EPDR1: variants seen among roughly 807,000 people sequenced by gnomAD.
EPDR1 encodes mammalian ependymin-related protein 1.
EPDR1 carries 27 observed loss-of-function variants against 23.7 expected under a neutral mutation model. The observed-to-expected ratio is 1.14, with a 90% CI of 0.84 to 1.57. EPDR1 has a LOEUF of 1.57. EPDR1 is among the 40% of genes most tolerant of loss of function. The probability of loss-of-function intolerance (pLI) is 0.00; values close to 1 mark genes in which losing one functional copy is unlikely to be tolerated. For synonymous variants in EPDR1, 137 were observed against 118.2 expected (o/e 1.16, Z -1.03); for missense variants, 349 against 290.4 (o/e 1.20, Z -1.47).
At position 37,920,952 on chromosome 7, in the gene EPDR1, G is replaced by A. The variant is rs997441395; in HGVS notation, c.13G>A (p.Ala5Thr). 1.9e-6 allele frequency: 3 copies of A among 1,598,548 alleles called. No homozygotes were observed. The highest frequency in any genetic ancestry group is 2.6e-6 in the Non-Finnish European group (3 of 1,174,314). MPGR[A>T]PLRTVPGALG... ...AAGGCTGACCGCGATGCCAGGACGC[G>A]CTCCCCTCCGCACCGTCCCGGGCGC... The change falls in exon 1 of 3, where the codon GCT (alanine) becomes ACT (threonine). Residue 5 changes from alanine (A) to threonine (T), a missense_variant. Coordinates refer to ENST00000199448, the MANE Select transcript of EPDR1 (RefSeq NM_017549.5).
chr7:37,941,006 A>G (rs1445598874), intron 1 of EPDR1, among the ~76,000 whole-genome samples: 1 of 152,188 alleles, frequency 6.6e-6, no homozygotes, highest in Non-Finnish European at 1.5e-5. Context: ...GTCGTAGAAC[A>G]TCGGGAAGCA....
intron 1 of EPDR1, among the ~76,000 whole-genome samples, chr7:37,939,334 T>A (rs1326469003): frequency 6.6e-6 from 1 of 152,126 alleles, no homozygotes; most frequent in Admixed American, 6.6e-5. Context: ...TGGGCTTAAA[T>A]CTTAAATCTT....
At chr7:37,922,671 G>GGGC (rs1554372864) in intron 1 of EPDR1, among the ~76,000 whole-genome samples, 1 of 151,428 alleles carries the variant, frequency 6.6e-6, no homozygotes, top group African/African-American at 2.4e-5. Context: ...AAGCTAGGGG[G>GGGC]GGGTTCTGAC....
At position 37,948,643 on chromosome 7, in the gene EPDR1, C is replaced by T. The variant is rs544620574; in HGVS notation, c.270-197C>T. ...GATTACAGGGATGAGCCATCATGCT[C>T]GGTCTGACCTGTGAATTCTAATTAT... On this transcript the variant is annotated intron_variant, in intron 1 of 2. Coordinates refer to ENST00000199448, the MANE Select transcript of EPDR1 (RefSeq NM_017549.5). Among the ~76,000 whole-genome samples the T allele has an allele frequency of 7.9e-5, 12 of 152,282 alleles. No individual in the cohort carries two copies. In the South Asian group the frequency reaches 1.0e-3, roughly 13 times the overall value.
At chr7:37,940,283 TA>T (rs2132014057) in intron 1 of EPDR1, among the ~76,000 whole-genome samples, 1 of 152,264 alleles carries the variant, frequency 6.6e-6, no homozygotes, top group East Asian at 1.9e-4. Context: ...GTGTTATCTA[TA>T]AGGAGCATGA....
chr7:37,926,435 G>A (rs557244383), intron 1 of EPDR1, among the ~76,000 whole-genome samples: 2 of 136,868 alleles, frequency 1.5e-5, no homozygotes, highest in South Asian at 4.7e-4. Flanking sequence ...AAATTCAGGT[G>A]TCATTCATGT....
chr7:37,920,909 C>T lies in EPDR1; in HGVS notation c.-31C>T, dbSNP rs756005780. The T allele has an allele frequency of 7.4e-6, 12 of 1,611,014 alleles. No homozygotes were observed. The Admixed American group carries it at 1.3e-4, about 18-fold the overall frequency. On this transcript the variant is annotated 5_prime_UTR_variant, in exon 1 of 3. Coordinates refer to ENST00000199448, the MANE Select transcript of EPDR1 (RefSeq NM_017549.5). ...GCCTCAGCGCCCCCTTGGGCTTGGGCTTGCCCTCGGGCCGGGGAAGGCTGA... is the reference window on the plus strand; with the variant it reads ...GCCTCAGCGCCCCCTTGGGCTTGGGTTTGCCCTCGGGCCGGGGAAGGCTGA...
chr7:37,929,049 T>C (rs540855722), intron 1 of EPDR1, among the ~76,000 whole-genome samples: 82 of 152,284 alleles, frequency 5.4e-4, no homozygotes, highest in African/African-American at 1.9e-3. Flanking sequence ...AGCTCACTCA[T>C]TGTGGACCTG....
chr7:37,943,274 A>G (rs189073894), intron 1 of EPDR1, among the ~76,000 whole-genome samples: 354 of 152,244 alleles, frequency 2.3e-3, no homozygotes, highest in African/African-American at 8.0e-3. Context: ...TCATCTCACA[A>G]TTGCCTCTGT....
In EPDR1 at chr7:37,950,357, G is replaced by A. The variant is rs1786375211; in HGVS notation, c.636G>A (p.Met212Ile). 1 of 1,613,742 alleles carries A rather than the reference G, an allele frequency of 6.2e-7. No homozygotes were observed. The highest frequency in any genetic ancestry group is 1.3e-5 in the African/African-American group (1 of 75,024). ...SVFTPPSTCQ[M>I]AQLEKMSEDC... The stretch of plus-strand genomic sequence containing the variant: ...TTACCCCTCCAAGCACGTGCCAGAT[G>A]GCCCAACTGGAGAAGATGAGCGAAG... The change falls in exon 3 of 3, where the codon ATG becomes ATA. Residue 212 changes from methionine (M) to isoleucine (I), a missense_variant. Met to Ile is a conservative substitution (Grantham distance 10). Coordinates refer to ENST00000199448, the MANE Select transcript of EPDR1 (RefSeq NM_017549.5).
At chr7:37,949,344 A>C (rs1421243711) in intron 2 of EPDR1, among the ~76,000 whole-genome samples, 1 of 152,158 alleles carries the variant, frequency 6.6e-6, no homozygotes, top group African/African-American at 2.4e-5. Flanking sequence ...CATGGAAGGC[A>C]TCTGTCTAAG....
chr7:37,925,205 G>A (rs1040334171), intron 1 of EPDR1, among the ~76,000 whole-genome samples: 6 of 152,178 alleles, frequency 3.9e-5, no homozygotes, highest in African/African-American at 1.4e-4. Context: ...TCATATTTCA[G>A]GCAGCATGTT....
In EPDR1 at chr7:37,920,918, G is replaced by A. The variant is rs1583659084; in HGVS notation, c.-22G>A. ...CCCCCTTGGGCTTGGGCTTGCCCTC[G>A]GGCCGGGGAAGGCTGACCGCGATGC... is the stretch of plus-strand genomic sequence containing the variant. On this transcript the variant is annotated 5_prime_UTR_variant, in exon 1 of 3. Coordinates refer to ENST00000199448, the MANE Select transcript of EPDR1 (RefSeq NM_017549.5). 6.2e-7 allele frequency: 1 copy of A among 1,610,592 alleles called. No individual in the cohort carries two copies. Among genetic ancestry groups the A allele is most frequent in the Non-Finnish European group, 8.5e-7 (1 of 1,179,102 alleles).
chr7:37,923,992 C>A (rs1395762163), intron 1 of EPDR1, among the ~76,000 whole-genome samples: 1 of 152,176 alleles, frequency 6.6e-6, no homozygotes, highest in Non-Finnish European at 1.5e-5. Context: ...TGCTGCCAGC[C>A]CTTTGGGCTC....
chr7:37,950,555 T>G lies in EPDR1; in HGVS notation c.*159T>G. On this transcript the variant is annotated 3_prime_UTR_variant, in exon 3 of 3. Transcript: ENST00000199448. ...GGGTTTTGATGTGTCTGATTTTGAC[T>G]ACTCAAGCTCTGTTTACAGAAGAAA... 4.1e-6 allele frequency: 3 copies of G among 725,226 alleles called. No individual in the cohort carries two copies. Among genetic ancestry groups the G allele is most frequent in the Non-Finnish European group, 6.6e-6 (3 of 454,512 alleles). 44.9% of individuals were successfully genotyped at this position (725,226 alleles called of 1,614,324 possible). A position where few individuals can be genotyped will look rare whatever the true frequency, so the allele number is the denominator to read the frequency against.
chr7:37,924,262 G>A (rs190113906), intron 1 of EPDR1, among the ~76,000 whole-genome samples: 85 of 152,354 alleles, frequency 5.6e-4, no homozygotes, highest in Admixed American at 3.1e-3. Context: ...CCCTAGGTTA[G>A]GCTGTATGCT....
At chr7:37,929,204 T>G (rs1785880546) in intron 1 of EPDR1, among the ~76,000 whole-genome samples, 1 of 152,206 alleles carries the variant, frequency 6.6e-6, no homozygotes, top group African/African-American at 2.4e-5. Context: ...TGCTTTATAT[T>G]AATATATCCA....
At chr7:37,941,436 C>T (rs1428762114) in intron 1 of EPDR1, among the ~76,000 whole-genome samples, 2 of 152,202 alleles carry the variant, frequency 1.3e-5, no homozygotes, top group Admixed American at 6.5e-5. Flanking sequence ...TGGGAAGGTA[C>T]ATCACCTGTC....
intron 1 of EPDR1, among the ~76,000 whole-genome samples, chr7:37,944,936 A>G (rs573066719): frequency 6.6e-6 from 1 of 152,332 alleles, no homozygotes; most frequent in South Asian, 2.1e-4. Flanking sequence ...GATATCAGCA[A>G]AAGCTAGGAA....
Sources: gnomAD v4.1 joint callset for allele counts (sites outside exome capture counted in the v4.1 genomes callset) on GRCh38, gnomAD v4.1.1 for gene constraint, MANE v1.5 for transcripts, NCBI Gene and HGNC (gene_info 2026-07-23, HGNC 2026-07-21) for gene names.